MAST1: variants seen among roughly 807,000 people sequenced by gnomAD.
The protein encoded by MAST1 is microtubule associated serine/threonine kinase 1, also known as microtubule-associated serine/threonine-protein kinase 1.
A neutral mutation model predicts 124.6 loss-of-function variants in MAST1; 40 were observed. That is an observed-to-expected ratio of 0.32 (90% CI 0.25 to 0.42). The LOEUF is 0.42. MAST1 is among the 10% of genes least tolerant of loss of function. The pLI is 1.00. For synonymous variants in MAST1, 938 were observed against 939.4 expected (o/e 1.00, Z 0.03); for missense variants, 1,558 against 2,181.9 (o/e 0.71, Z 5.70).
At position 12,870,922 on chromosome 19, in the gene MAST1, T is replaced by G; in HGVS notation, c.3102T>G (p.Pro1034=). ...NGEPVHGMVH[P]EVVELILKSG... Reference sequence around the variant, plus strand: ...AGCCTGTGCATGGCATGGTGCATCCTGAGGTCGTGGAGCTGATCCTTAAGG... The same window carrying G: ...AGCCTGTGCATGGCATGGTGCATCCGGAGGTCGTGGAGCTGATCCTTAAGG... Residue 1034 remains proline, a synonymous_variant, in exon 23 of 26, where the codon CCT becomes CCG. Transcript: ENST00000251472. The G allele has an allele frequency of 6.2e-7, 1 of 1,613,972 alleles. No homozygotes were observed. Among genetic ancestry groups the G allele is most frequent in the Non-Finnish European group, 8.5e-7 (1 of 1,179,960 alleles).
chr19:12,871,959 G>A (rs1227559365), intron 24 of MAST1, among the ~76,000 whole-genome samples: 1 of 151,020 alleles, frequency 6.6e-6, no homozygotes, highest in Non-Finnish European at 1.5e-5. Context: ...AAAGTGGAAG[G>A]AGCCAAGAAT....
chr19:12,858,606 C>A lies in MAST1; in HGVS notation c.1233C>A (p.Ile411=), dbSNP rs1451429106. The change falls in exon 12 of 26, where the codon ATC becomes ATA. Residue 411 remains isoleucine (I), a synonymous_variant. Transcript: ENST00000251472. The part of the protein sequence containing the change: ...AMKKINKQNL[I]LRNQIQQAFV... ...AAAAGATCAACAAGCAGAACTTGAT[C>A]CTCCGCAACCAGATCCAGCAGGCCT... is the stretch of plus-strand genomic sequence containing the variant. 6.2e-7 allele frequency: 1 copy of A among 1,614,148 alleles called. No individual in the cohort carries two copies. The highest frequency in any genetic ancestry group is 1.3e-5 in the African/African-American group (1 of 74,954).
chr19:12,858,569 G>A lies in MAST1; in HGVS notation c.1196G>A (p.Arg399His). The change falls in exon 12 of 26, where the codon CGC (arginine) becomes CAC (histidine). Residue 399 changes from arginine to histidine, a missense_variant. By Grantham distance (29) the Arg-to-His change is conservative. This residue lies in a region of MAST1 where 136 missense variants were observed against 160.9 expected (regional missense o/e 0.85). Coordinates refer to ENST00000251472, the MANE Select transcript of MAST1 (RefSeq NM_014975.3). ...GTGCGGCACCGCGACACGCGGCAGCGCTTTGCCATGAAAAAGATCAACAAG... is the reference window on the plus strand; with the variant it reads ...GTGCGGCACCGCGACACGCGGCAGCACTTTGCCATGAAAAAGATCAACAAG... ...YLVRHRDTRQ[R>H]FAMKKINKQN... 1.9e-6 allele frequency: 3 copies of A among 1,614,258 alleles called. No individual in the cohort carries two copies. The highest frequency in any genetic ancestry group is 1.1e-5 in the South Asian group (1 of 91,088).
At position 12,838,762 on chromosome 19, in the gene MAST1, G is replaced by A. The variant is rs1969790805; in HGVS notation, c.83+107G>A. 6 of 988,020 alleles carry A rather than the reference G, an allele frequency of 6.1e-6. No homozygotes were observed. In the South Asian group the frequency reaches 8.4e-5, roughly 14 times the overall value. 61.2% of individuals were successfully genotyped at this position (988,020 alleles called of 1,614,324 possible). On this transcript the variant is annotated intron_variant, in intron 1 of 25. Coordinates refer to ENST00000251472, the MANE Select transcript of MAST1 (RefSeq NM_014975.3). This position sits in a 1 kb window ranked among gnomAD's most constrained non-coding sequence, Gnocchi z 4.3. ...GGGATGCTGCGCCCGGTCCAGCTGC[G>A]CCAGAGGTGCCCCAGCTGCGCCTTC... is the stretch of plus-strand genomic sequence containing the variant.
chr19:12,853,217 C>T (rs990548794), intron 10 of MAST1, among the ~76,000 whole-genome samples: 1 of 151,644 alleles, frequency 6.6e-6, no homozygotes, highest in Non-Finnish European at 1.5e-5. Flanking sequence ...TTGATCTGCC[C>T]ATCTCGGCCT....
intron 7 of MAST1, chr19:12,848,360 C>T: frequency 2.9e-6 from 1 of 341,832 alleles, no homozygotes; most frequent in East Asian, 7.6e-5. Context: ...TGGCTCAGGC[C>T]TGTAATCCCA....
rs529517783 is a variant in MAST1, at chr19:12,873,872, C to T, written c.3715C>T (p.Leu1239=). 77 of 1,583,092 alleles carry T rather than the reference C, an allele frequency of 4.9e-5. No individual in the cohort carries two copies. The African/African-American group carries it at 9.5e-4, about 19-fold the overall frequency. The change falls in exon 26 of 26, where the codon CTG becomes TTG. Residue 1239 remains leucine (L), a synonymous_variant. Coordinates refer to ENST00000251472, the MANE Select transcript of MAST1 (RefSeq NM_014975.3). ...CACTACTCAGAGCTTCCCGGCCAAA[C>T]TGCACTCATCGCCTCCCGTCGTGCG... ...SHTTQSFPAK[L]HSSPPVVRPR...
chr19:12,873,288 A>T, intron 24 of MAST1, 36 bp from the exon 25 acceptor site: 1 of 1,588,882 alleles, frequency 6.3e-7, no homozygotes, highest in Non-Finnish European at 8.6e-7. Flanking sequence ...TCTGGCGTCC[A>T]GGTCAAGGAC....
intron 12 of MAST1, among the ~76,000 whole-genome samples, chr19:12,863,917 CA>C (rs1970116723): frequency 7.1e-6 from 1 of 141,662 alleles, no homozygotes; most frequent in African/African-American, 2.6e-5. Context: ...CTCGTTTCTA[CA>C]AAAAACTTTT....
chr19:12,858,210 T>G lies in MAST1; in HGVS notation c.1078-152T>G, dbSNP rs190571594. On this transcript the variant is annotated intron_variant, in intron 10 of 25. Transcript: ENST00000251472. ...GAGAATATGTCTTCAGAGTCAGTCT[T>G]GGGTTCAAGTCCTAACTTTCTCTTT... 2.9e-4 allele frequency: 204 copies of G among 695,328 alleles called. 1 individual carries two copies. Among genetic ancestry groups the G allele is most frequent in the Middle Eastern group, 2.5e-3 (6 of 2,378 alleles). The allele number at this position is 695,328 out of a possible 1,614,324, so 43.1% of individuals were successfully genotyped here. A position where few individuals can be genotyped will look rare whatever the true frequency, so the allele number is the denominator to read the frequency against.
At chr19:12,851,004 G>A (rs1218332845) in intron 7 of MAST1, among the ~76,000 whole-genome samples, 3 of 149,232 alleles carry the variant, frequency 2.0e-5, no homozygotes, top group African/African-American at 4.9e-5. Flanking sequence ...CTGGAGTGTA[G>A]TGATGTGATC....
Position 12,873,342 on chromosome 19 carries a change from C to T in MAST1, c.3282C>T (p.Leu1094=), listed in dbSNP as rs1289757080. The change falls in exon 25 of 26, where the codon CTC becomes CTT. Residue 1094 remains leucine, a synonymous_variant. Coordinates refer to ENST00000251472, the MANE Select transcript of MAST1 (RefSeq NM_014975.3). Reference sequence around the variant, plus strand: ...CCCGCAGCAAGAAGCGCAGCTCCCTCTTCCGGAAGATCACGAAGCAGTCGA... The same window carrying T: ...CCCGCAGCAAGAAGCGCAGCTCCCTTTTCCGGAAGATCACGAAGCAGTCGA... ...EGQESKKRSS[L]FRKITKQSNL... is the part of the protein sequence containing the mutation. The T allele has an allele frequency of 6.2e-7, 1 of 1,613,482 alleles. No homozygotes were observed. The highest frequency in any genetic ancestry group is 1.3e-5 in the African/African-American group (1 of 75,052).
intron 7 of MAST1, among the ~76,000 whole-genome samples, chr19:12,850,248 A>G (rs1969944748): frequency 6.6e-6 from 1 of 152,134 alleles, no homozygotes; most frequent in African/African-American, 2.4e-5. Flanking sequence ...TAGGCGTTAG[A>G]AGCTAACCCC....
rs756718718 is a variant in MAST1 at position 12,874,555 on chromosome 19, G to A, written c.4398G>A (p.Leu1466=). 5 of 1,510,858 alleles carry A rather than the reference G, an allele frequency of 3.3e-6. No homozygotes were observed. In the South Asian group the frequency reaches 5.3e-5, roughly 16 times the overall value. 93.6% of individuals were successfully genotyped at this position (1,510,858 alleles called of 1,614,324 possible). Residue 1466 remains leucine, a synonymous_variant, in exon 26 of 26, where the codon CTG becomes CTA. Coordinates refer to ENST00000251472, the MANE Select transcript of MAST1 (RefSeq NM_014975.3). The surrounding 1 kb of genome is among the most constrained non-coding windows in gnomAD (Gnocchi z 6.6). ...DSKGLQEPAP[L]APSVPEAPRG... ...AGGGGTTGCAGGAACCCGCACCCCT[G>A]GCGCCTTCCGTGCCCGAGGCCCCCC... is the stretch of plus-strand genomic sequence containing the variant.
chr19:12,861,665 TC>T (rs1454116718), intron 12 of MAST1, among the ~76,000 whole-genome samples: 1 of 142,798 alleles, frequency 7.0e-6, no homozygotes, highest in African/African-American at 2.6e-5. Context: ...GTTGTTTTTT[TC>T]TTTTTCTTTT....
chr19:12,843,546 G>C lies in MAST1; in HGVS notation c.266G>C (p.Trp89Ser), dbSNP rs1969857015. 1 of 1,613,598 alleles carries C rather than the reference G, an allele frequency of 6.2e-7. No individual in the cohort carries two copies. Among genetic ancestry groups the C allele is most frequent in the Non-Finnish European group, 8.5e-7 (1 of 1,179,826 alleles). ...ASSRRADGRRWSLASLPSSGY... is the reference protein window; with the variant it reads ...ASSRRADGRRSSLASLPSSGY... ...GGTTCCAGGGCGGACGGACGCCGGT[G>C]GTCTCTGGCCTCGCTCCCTTCATCT... The change falls in exon 4 of 26, where the codon TGG (tryptophan) becomes TCG (serine). Residue 89 changes from tryptophan (W) to serine (S), a missense_variant. Physicochemically the swap from Trp to Ser is radical, Grantham distance 177. Coordinates refer to ENST00000251472, the MANE Select transcript of MAST1 (RefSeq NM_014975.3). This position sits in a 1 kb window ranked among gnomAD's most constrained non-coding sequence, Gnocchi z 4.9.
chr19:12,865,893 G>C lies in MAST1; in HGVS notation c.1906+75G>C, dbSNP rs961364964. On this transcript the variant is annotated intron_variant, in intron 16 of 25. Transcript: ENST00000251472. The surrounding 1 kb of genome is among the most constrained non-coding windows in gnomAD (Gnocchi z 7.1). ...CTCCAAAACCCCAGGCCCAGCCTGT[G>C]CTGTGGCCCCGGGGCGGAAGACATG... is the stretch of plus-strand genomic sequence containing the variant. 1.3e-4 allele frequency: 207 copies of C among 1,606,336 alleles called. No homozygotes were observed. The highest frequency in any genetic ancestry group is 1.7e-4 in the Non-Finnish European group (202 of 1,174,898).
At position 12,841,243 on chromosome 19, in the gene MAST1, G is replaced by A. The variant is rs79626428; in HGVS notation, c.248+177G>A. Among the ~76,000 whole-genome samples, 2,629 of 152,368 alleles carry A rather than the reference G, an allele frequency of 0.017. 78 individuals carry two copies. Among genetic ancestry groups the A allele is most frequent in the African/African-American group, 0.06 (2,501 of 41,590 alleles). Reference sequence around the variant, plus strand: ...GCCTTCGGGGCGGGGCCTATAAGAAGGCGGGGTCCAATCGCCGATCTGGAA... The same window carrying A: ...GCCTTCGGGGCGGGGCCTATAAGAAAGCGGGGTCCAATCGCCGATCTGGAA... On this transcript the variant is annotated intron_variant, in intron 3 of 25. Transcript: ENST00000251472. The surrounding 1 kb of genome is among the most constrained non-coding windows in gnomAD (Gnocchi z 4.3).
intron 22 of MAST1, among the ~76,000 whole-genome samples, chr19:12,870,492 C>CAAAAAA (rs36022150): frequency 1.3e-5 from 1 of 75,840 alleles, no homozygotes; most frequent in East Asian, 3.5e-4. Context: ...GACTCCGTCT[C>CAAAAAA]AAAAAAAAAA....
Sources: allele counts gnomAD v4.1 joint callset (sites outside exome capture counted in the v4.1 genomes callset), GRCh38; gene constraint gnomAD v4.1.1; regional missense constraint gnomAD v4.1.1; non-coding constraint Gnocchi (gnomAD v3.1); transcripts MANE v1.5; gene names NCBI Gene and HGNC (gene_info 2026-07-23, HGNC 2026-07-21).